The following ABCA13 variants were observed in gnomAD, a reference collection of about 807,000 sequenced individuals.
The protein encoded by ABCA13 is ATP-binding cassette sub-family A member 13.
In ABCA13, 476 loss-of-function variants were observed where a neutral mutation model predicts 478.7. That is an observed-to-expected ratio of 0.99 (90% CI 0.92 to 1.07). The LOEUF (loss-of-function observed/expected upper bound fraction) is 1.07, where lower values mean the gene tolerates loss of function less well. Among genes scored for constraint, ABCA13 ranks in the 50% least tolerant of loss-of-function variants. The pLI is 0.00. For missense variants in ABCA13, 6,060 were observed against 5,910.6 expected, an observed-to-expected ratio of 1.03 and a Z score of -0.83; for synonymous variants, 2,252 against 2,158.9, an observed-to-expected ratio of 1.04 and a Z score of -1.20.
chr7:48,323,314 C>G (rs1487451830), intron 27 of ABCA13, among the ~76,000 whole-genome samples: 1 of 152,206 alleles, frequency 6.6e-6, no homozygotes, highest in African/African-American at 2.4e-5. Context: ...TCAGCAGTGG[C>G]TGTTGAATAA....
At chr7:48,232,139 ATTTTTTTTTTTTTT>A (rs71006559) in intron 7 of ABCA13, among the ~76,000 whole-genome samples, 1 of 51,318 alleles carries the variant, frequency 1.9e-5, no homozygotes, top group Non-Finnish European at 3.6e-5. Context: ...CCCACATGGA[ATTTTTTTTTTTTTT>A]TTTTTTTTTT....
chr7:48,373,282 G>A (rs1156291716), intron 33 of ABCA13, among the ~76,000 whole-genome samples: 1 of 152,154 alleles, frequency 6.6e-6, no homozygotes, highest in Admixed American at 6.5e-5. Context: ...GTATTTAAAG[G>A]CCCTTAAAAG....
chr7:48,275,423 A>G lies in ABCA13; in HGVS notation c.5757A>G (p.Lys1919=). The change falls in exon 17 of 62, where the codon AAA becomes AAG. Residue 1919 remains lysine, a synonymous_variant. Coordinates refer to ENST00000435803, the MANE Select transcript of ABCA13 (RefSeq NM_152701.5). ...VNISLVKTVQ[K]FWHKILPFVP... ...TTTCTCTTGTGAAAACTGTGCAGAA[A>G]TTTTGGCATAAGATATTACCGTTTG... 1 of 1,613,904 alleles carries G rather than the reference A, an allele frequency of 6.2e-7. No individual in the cohort carries two copies. Among genetic ancestry groups the G allele is most frequent in the Non-Finnish European group, 8.5e-7 (1 of 1,179,866 alleles).
At chr7:48,529,389 G>A (rs778315493) in intron 55 of ABCA13, among the ~76,000 whole-genome samples, 9 of 152,056 alleles carry the variant, frequency 5.9e-5, no homozygotes, top group Non-Finnish European at 1.3e-4. Context: ...TTTCAGCACT[G>A]TGTTACAAGG....
At chr7:48,402,341 A>G (rs1817718652) in intron 38 of ABCA13, among the ~76,000 whole-genome samples, 3 of 152,192 alleles carry the variant, frequency 2.0e-5, no homozygotes, top group Admixed American at 2.0e-4. Flanking sequence ...TGCTAAGTTT[A>G]ATAGATCGAC....
chr7:48,374,315 C>T (rs761957407), intron 33 of ABCA13, 32 bp from the exon 34 acceptor site: 22 of 1,585,274 alleles, frequency 1.4e-5, no homozygotes, highest in African/African-American at 5.4e-5. Context: ...AAAACACTAA[C>T]GTGCAGTTTT....
intron 3 of ABCA13, among the ~76,000 whole-genome samples, chr7:48,200,184 G>A (rs946878896): frequency 6.6e-6 from 1 of 152,006 alleles, no homozygotes. Flanking sequence ...GGCCAACATA[G>A]TGAAACCCAG....
At chr7:48,520,932 A>T (rs1341689898) in intron 53 of ABCA13, among the ~76,000 whole-genome samples, 1 of 152,188 alleles carries the variant, frequency 6.6e-6, no homozygotes, top group African/African-American at 2.4e-5. Context: ...TTCAGTACAG[A>T]TGTCTGTGTG....
At chr7:48,528,466 C>T in intron 55 of ABCA13, 121 bp downstream of exon 55, 1 of 662,858 alleles carries the variant, frequency 1.5e-6, no homozygotes, top group African/African-American at 1.8e-5. Context: ...CCAAATTTAC[C>T]TTCCAATTAC....
intron 27 of ABCA13, among the ~76,000 whole-genome samples, chr7:48,318,381 C>T (rs548492627): frequency 6.6e-6 from 1 of 152,220 alleles, no homozygotes; most frequent in Admixed American, 6.5e-5. Context: ...CAGACTCTGG[C>T]TCTGTCACCC....
intron 58 of ABCA13, among the ~76,000 whole-genome samples, chr7:48,600,324 T>C (rs947471112): frequency 2.0e-5 from 3 of 152,088 alleles, no homozygotes; most frequent in African/African-American, 7.2e-5. Context: ...GAGTGTTTCC[T>C]ATAGATTGTG....
At chr7:48,317,355 C>T in intron 27 of ABCA13, 59 bp downstream of exon 27, 1 of 1,527,878 alleles carries the variant, frequency 6.5e-7, no homozygotes, top group East Asian at 2.3e-5. Context: ...AGGAAGGAAT[C>T]TTTAAAAATG....
At chr7:48,610,059 T>C (rs1210889277) in intron 58 of ABCA13, among the ~76,000 whole-genome samples, 1 of 152,158 alleles carries the variant, frequency 6.6e-6, no homozygotes, top group Non-Finnish European at 1.5e-5. Context: ...ATGTCTTAAC[T>C]CATTTCAGCA....
At chr7:48,503,754 G>A (rs1830958488) in intron 48 of ABCA13, among the ~76,000 whole-genome samples, 2 of 152,054 alleles carry the variant, frequency 1.3e-5, no homozygotes, top group African/African-American at 4.8e-5. Flanking sequence ...AATGCACATG[G>A]GCCTGCAGAT....
At chr7:48,631,698 C>G (rs1794180029) in intron 59 of ABCA13, among the ~76,000 whole-genome samples, 1 of 150,600 alleles carries the variant, frequency 6.6e-6, no homozygotes, top group Admixed American at 6.6e-5. Context: ...TTTTTTAATT[C>G]TATGAATAAT....
chr7:48,551,813 T>G (rs1785351015), intron 55 of ABCA13, among the ~76,000 whole-genome samples: 1 of 151,802 alleles, frequency 6.6e-6, no homozygotes, highest in Admixed American at 6.6e-5. Flanking sequence ...GGTTTCAGCC[T>G]TCCCTTCTGA....
In ABCA13 at chr7:48,537,502, A is replaced by G. The variant is rs192645096; in HGVS notation, c.14354+9157A>G. Among the ~76,000 whole-genome samples the G allele has an allele frequency of 7.7e-3, 1,175 of 152,282 alleles. 6 individuals are homozygous for G. The highest frequency in any genetic ancestry group is 0.017 in the Middle Eastern group (5 of 294). On this transcript the variant is annotated intron_variant, in intron 55 of 61. Transcript: ENST00000435803. The stretch of plus-strand genomic sequence containing the variant: ...GCAATGGCGAGAGCACACCTGAACA[A>G]GGGAGGGGAAGGAGTTTTTATCCCT...
chr7:48,273,587 C>T lies in ABCA13; in HGVS notation c.3921C>T (p.Asp1307=), dbSNP rs774954939. 1.9e-6 allele frequency: 3 copies of T among 1,588,600 alleles called. No homozygotes were observed. In the Admixed American group the frequency reaches 5.4e-5, roughly 28 times the overall value. Reference sequence around the variant, plus strand: ...TCAGAAATCTAGATTCAATAAATGACTTTCTTTCAAATAATCTCACAAATT... The same window carrying T: ...TCAGAAATCTAGATTCAATAAATGATTTTCTTTCAAATAATCTCACAAATT... ...YIVRNLDSIN[D]FLSNNLTNYG... The change falls in exon 17 of 62, where the codon GAC becomes GAT. Residue 1307 remains aspartate (D), a synonymous_variant. Transcript: ENST00000435803.
intron 59 of ABCA13, among the ~76,000 whole-genome samples, chr7:48,641,127 G>A (rs546518666): frequency 6.6e-6 from 1 of 152,182 alleles, no homozygotes; most frequent in African/African-American, 2.4e-5. Flanking sequence ...GATAATTACT[G>A]GAATTTAGCA....
Sources: allele counts gnomAD v4.1 joint callset (sites outside exome capture counted in the v4.1 genomes callset), GRCh38; gene constraint gnomAD v4.1.1; transcripts MANE v1.5; gene names NCBI Gene and HGNC (gene_info 2026-07-23, HGNC 2026-07-21).